The following DNTT variants were observed in gnomAD, a reference collection of about 807,000 sequenced individuals.
DNTT encodes nucleosidetriphosphate:DNA deoxynucleotidylexotransferase.
In DNTT, 47 loss-of-function variants were observed where a neutral mutation model predicts 60.9. The ratio of observed to expected loss-of-function variants is 0.77; its 90% CI spans 0.61 to 0.98. DNTT has a LOEUF of 0.98. DNTT is among the 50% of genes least tolerant of loss of function. The pLI is 0.00. For synonymous variants in DNTT, 224 were observed against 221.2 expected, an observed-to-expected ratio of 1.01 and a Z score of -0.11; for missense variants, 665 against 627.5, an observed-to-expected ratio of 1.06 and a Z score of -0.64.
At position 96,304,497 on chromosome 10, in the gene DNTT, C is replaced by A; in HGVS notation, c.-1C>A. 2 of 1,613,500 alleles carry A rather than the reference C, an allele frequency of 1.2e-6. No homozygotes were observed. The highest frequency in any genetic ancestry group is 1.7e-6 in the Non-Finnish European group (2 of 1,179,996). On this transcript the variant is annotated 5_prime_UTR_variant, in exon 1 of 11. Coordinates refer to ENST00000371174, the MANE Select transcript of DNTT (RefSeq NM_004088.4). The stretch of plus-strand genomic sequence containing the variant: ...GCCAGAGGCAGCAGCAGCCTCTTCC[C>A]ATGGATCCACCACGAGCGTCCCACT...
intron 1 of DNTT, among the ~76,000 whole-genome samples, chr10:96,308,976 T>A (rs947688033): frequency 1.3e-5 from 2 of 152,180 alleles, no homozygotes; most frequent in African/African-American, 4.8e-5. Context: ...TACGTGCAGG[T>A]CACAGGGGAT....
At chr10:96,322,767 CA>C (rs1229322646) in intron 5 of DNTT, 39 bp downstream of exon 5, 1 of 1,500,088 alleles carries the variant, frequency 6.7e-7, no homozygotes, top group Non-Finnish European at 9.1e-7. Flanking sequence ...AATTGTTTTT[CA>C]GTTAATCTTA....
rs183180123 is a variant in DNTT at position 96,322,680 on chromosome 10, T to C, written c.702T>C (p.Ser234=). The change falls in exon 5 of 11, where the codon AGT becomes AGC. Residue 234 remains serine, a synonymous_variant. Transcript: ENST00000371174. ...AGGAGATTATTGAAGATGGAGAAAG[T>C]TCTGAAGTTAAAGCTGTGTTAAATG... is the stretch of plus-strand genomic sequence containing the variant. ...IIEEIIEDGE[S]SEVKAVLNDE... is the part of the protein sequence containing the mutation. The C allele has an allele frequency of 9.4e-6, 15 of 1,603,094 alleles. No individual in the cohort carries two copies. The East Asian group carries it at 3.1e-4, about 34-fold the overall frequency.
chr10:96,337,202 C>T (rs2133997914), intron 10 of DNTT, among the ~76,000 whole-genome samples: 1 of 152,330 alleles, frequency 6.6e-6, no homozygotes, highest in East Asian at 1.9e-4. Context: ...CCAGCTACTT[C>T]AACAGAGAAG....
intron 1 of DNTT, among the ~76,000 whole-genome samples, chr10:96,315,791 G>A (rs1250884924): frequency 1.3e-5 from 2 of 151,574 alleles, no homozygotes; most frequent in East Asian, 3.9e-4. Context: ...CCCTCCAAAA[G>A]GCAGAAATAT....
In DNTT at chr10:96,304,628, T is replaced by C. The variant is rs139248550; in HGVS notation, c.131T>C (p.Met44Thr). The change falls in exon 1 of 11, where the codon ATG becomes ACG. Residue 44 changes from methionine (M) to threonine (T), a missense_variant. Met to Thr is a moderately conservative substitution (Grantham distance 81). Transcript: ENST00000371174. ...DLVVFILEKK[M>T]GTTRRAFLME... ...GTCGTCTTCATTTTGGAGAAGAAAA[T>C]GGGAACCACCCGCAGAGCGTTCCTC... 1 of 1,614,068 alleles carries C rather than the reference T, an allele frequency of 6.2e-7. No individual in the cohort carries two copies.
intron 1 of DNTT, among the ~76,000 whole-genome samples, chr10:96,306,092 ATTT>A (rs66877330): frequency 3.0e-5 from 4 of 131,462 alleles, no homozygotes; most frequent in Admixed American, 7.5e-5. Flanking sequence ...AAAAAAATAG[ATTT>A]TTTTTTTTTT....
chr10:96,331,924 C>T (rs948712293), intron 8 of DNTT, among the ~76,000 whole-genome samples: 5 of 152,096 alleles, frequency 3.3e-5, no homozygotes, highest in African/African-American at 9.7e-5. Flanking sequence ...ACTATAGACA[C>T]GTGCCATCAT....
rs375602690 is a variant in DNTT, at chr10:96,324,351, C to T, written c.836C>T (p.Ser279Leu). Residue 279 changes from serine to leucine, a missense_variant, in exon 6 of 11, where the codon TCG (serine) becomes TTG (leucine). Transcript: ENST00000371174. ...MGFRTLSKVR[S>L]DKSLKFTRMQ... ...TTCAGAACTCTGAGTAAAGTAAGGT[C>T]GGACAAAAGCCTGAAATTTACACGA... 7.6e-5 allele frequency: 122 copies of T among 1,613,784 alleles called. No individual in the cohort carries two copies. In the East Asian group the frequency reaches 1.1e-3, roughly 14 times the overall value.
chr10:96,323,576 G>T (rs1564872692), intron 5 of DNTT, among the ~76,000 whole-genome samples: 4 of 151,994 alleles, frequency 2.6e-5, no homozygotes, highest in Non-Finnish European at 5.9e-5. Flanking sequence ...GAGGACCATG[G>T]GGGGGTTGGT....
intron 1 of DNTT, among the ~76,000 whole-genome samples, chr10:96,311,921 G>A (rs920279232): frequency 5.9e-5 from 9 of 152,198 alleles, no homozygotes; most frequent in Admixed American, 4.6e-4. Flanking sequence ...TGGGATTATA[G>A]GCATAAGCCA....
chr10:96,332,260 G>C, intron 8 of DNTT, 91 bp from the exon 9 acceptor site: 2 of 1,538,962 alleles, frequency 1.3e-6, no homozygotes, highest in East Asian at 2.3e-5. Flanking sequence ...TGTTCTGCTC[G>C]AATCTGAAAA....
chr10:96,337,136 G>C (rs1386413632), intron 10 of DNTT, among the ~76,000 whole-genome samples: 1 of 152,152 alleles, frequency 6.6e-6, no homozygotes, highest in African/African-American at 2.4e-5. Flanking sequence ...GCTCAGGCAG[G>C]CTTCCCTCAG....
intron 6 of DNTT, 89 bp downstream of exon 6, chr10:96,324,478 G>A (rs1844918026): frequency 6.5e-7 from 1 of 1,544,246 alleles, no homozygotes; most frequent in Admixed American, 1.8e-5. Context: ...ACTCCAATCT[G>A]GGAGAGCTGG....
At chr10:96,320,500 A>G in intron 3 of DNTT, 118 bp from the exon 4 acceptor site, 2 of 1,199,538 alleles carry the variant, frequency 1.7e-6, no homozygotes, top group Non-Finnish European at 2.4e-6. Context: ...ATCCTGACCT[A>G]GAAGGAAACA....
rs12262883 is a variant in DNTT, at chr10:96,328,172, T to C, written c.1008-553T>C. Among the ~76,000 whole-genome samples, 1,019 of 152,322 alleles carry C rather than the reference T, an allele frequency of 6.7e-3. 7 individuals are homozygous for C. The highest frequency in any genetic ancestry group is 0.022 in the African/African-American group (930 of 41,562). ...AATGAGTGAACGCTTCACAAGGATG[T>C]ATGTTGTTGTTGGATATTGAGGCCT... On this transcript the variant is annotated intron_variant, in intron 7 of 10. Coordinates refer to ENST00000371174, the MANE Select transcript of DNTT (RefSeq NM_004088.4).
intron 6 of DNTT, among the ~76,000 whole-genome samples, chr10:96,327,207 G>C (rs1339994255): frequency 6.6e-6 from 1 of 152,194 alleles, no homozygotes. Context: ...GAACAGTTTG[G>C]ATTCCAGAGG....
rs565246136 is a variant in DNTT at position 96,332,481 on chromosome 10, A to G, written c.1244A>G (p.Asp415Gly). The G allele has an allele frequency of 1.5e-4, 243 of 1,614,198 alleles. 5 individuals carry two copies. The South Asian group carries it at 2.5e-3, about 17-fold the overall frequency. The part of the protein sequence containing the change: ...LIFKLPRQRV[D>G]SDQSSWQEGK... ...TTCAAATTGCCTCGTCAAAGAGTGG[A>G]CAGTGACCAGTCCAGCTGGCAGGAA... Residue 415 changes from aspartate (D) to glycine (G), a missense_variant, in exon 9 of 11, where the codon GAC (aspartate) becomes GGC (glycine). Transcript: ENST00000371174.
chr10:96,306,522 A>T (rs1844640035), intron 1 of DNTT: 1 of 152,296 alleles, frequency 6.6e-6, no homozygotes, highest in Non-Finnish European at 1.5e-5. Flanking sequence ...AAAGCTCTCC[A>T]TTGAAACGTC....
Sources: allele counts gnomAD v4.1 joint callset (sites outside exome capture counted in the v4.1 genomes callset), GRCh38; gene constraint gnomAD v4.1.1; transcripts MANE v1.5; gene names NCBI Gene and HGNC (gene_info 2026-07-23, HGNC 2026-07-21).